ARL5C: variants seen among roughly 807,000 people sequenced by gnomAD.
ARL5C encodes putative ADP-ribosylation factor-like protein 5C.
A neutral mutation model predicts 20.8 loss-of-function variants in ARL5C; 21 were observed. The ratio of observed to expected loss-of-function variants is 1.01; its 90% CI spans 0.72 to 1.46. The LOEUF (loss-of-function observed/expected upper bound fraction) is 1.46. ARL5C is among the 40% of genes most tolerant of loss of function. The probability of loss-of-function intolerance (pLI) is 0.00; values close to 1 mark genes in which losing one functional copy is unlikely to be tolerated. For synonymous variants in ARL5C, 71 were observed against 81.6 expected (o/e 0.87, Z 0.70); for missense variants, 199 against 225.1 (o/e 0.88, Z 0.74).
chr17:39,163,846 C>G (rs2045449838), intron 2 of ARL5C, among the ~76,000 whole-genome samples: 1 of 151,836 alleles, frequency 6.6e-6, no homozygotes, highest in Non-Finnish European at 1.5e-5. Context: ...CTCACTGCAA[C>G]CTCTGCCTCC....
chr17:39,164,750 C>T (rs566456185), intron 2 of ARL5C, among the ~76,000 whole-genome samples: 63 of 152,050 alleles, frequency 4.1e-4, no homozygotes, highest in Non-Finnish European at 7.1e-4. Flanking sequence ...GCAGAGGGGA[C>T]AGGGGTGAGA....
rs908067055 is a variant in ARL5C, at chr17:39,166,054, C to A, written c.-294G>T. ...CTCGCCCTGCGAAAACTCCTGAGTT[C>A]TCCGGGTGGACTGCTCCACTACCGC... is the stretch of plus-strand genomic sequence containing the variant. On this transcript the variant is annotated 5_prime_UTR_variant, in exon 1 of 6. Coordinates refer to ENST00000269586, the MANE Select transcript of ARL5C (RefSeq NM_001143968.1). The A allele has an allele frequency of 8.9e-6, 4 of 448,448 alleles. No individual in the cohort carries two copies. Among genetic ancestry groups the A allele is most frequent in the Non-Finnish European group, 1.6e-5 (4 of 244,530 alleles). The allele number at this position is 448,448 out of a possible 1,614,324, so 27.8% of individuals were successfully genotyped here.
chr17:39,158,593 G>A (rs934433817), intron 5 of ARL5C, among the ~76,000 whole-genome samples: 6 of 150,006 alleles, frequency 4.0e-5, no homozygotes, highest in Admixed American at 4.0e-4. Context: ...AGCCTGGGGG[G>A]TGACAGAGGG....
At chr17:39,161,808 A>AGT (rs2045436851) in intron 3 of ARL5C, among the ~76,000 whole-genome samples, 1 of 150,990 alleles carries the variant, frequency 6.6e-6, no homozygotes, top group Non-Finnish European at 1.5e-5. Flanking sequence ...GTGCTGCCAC[A>AGT]CCTGGCCTGT....
In ARL5C at chr17:39,161,317, T is replaced by C. The variant is rs2045433629; in HGVS notation, c.290A>G (p.Asp97Gly). ...IILVIDSTDR[D>G]RLLTTREELY... is the part of the protein sequence containing the mutation. ...CTCCTCCCGAGTGGTCAGCAGCCGA[T>C]CCCGGTCCGTGCTGTCAATCACAAG... Residue 97 changes from aspartate to glycine, a missense_variant, in exon 4 of 6, where the codon GAT becomes GGT. Asp to Gly is a moderately conservative substitution (Grantham distance 94, BLOSUM62 -1). Coordinates refer to ENST00000269586, the MANE Select transcript of ARL5C (RefSeq NM_001143968.1). 2.6e-6 allele frequency: 4 copies of C among 1,551,868 alleles called. No individual in the cohort carries two copies. The highest frequency in any genetic ancestry group is 3.5e-6 in the Non-Finnish European group (4 of 1,147,012).
intron 2 of ARL5C, among the ~76,000 whole-genome samples, chr17:39,163,346 C>CTTTCTTTCTTTCTTTCTTTCTT (rs2045444587): frequency 5.4e-5 from 1 of 18,612 alleles, no homozygotes; most frequent in Non-Finnish European, 9.4e-5. Context: ...AGGCTTTTGC[C>CTTTCTTTCTTTCTTTCTTTCTT]TTTCTTTCTT....
chr17:39,162,696 T>C lies in ARL5C; in HGVS notation c.255+15A>G, dbSNP rs773173691. On this transcript the variant is annotated intron_variant, in intron 3 of 5. Transcript: ENST00000269586. ...GCCTGCCTTGGAGACCCTTCAGCCC[T>C]GGTGCCCTCCTCACCTCAGTGTTGG... 6.4e-7 allele frequency: 1 copy of C among 1,550,732 alleles called. No individual in the cohort carries two copies. Among genetic ancestry groups the C allele is most frequent in the African/African-American group, 1.4e-5 (1 of 73,164 alleles).
Position 39,160,486 on chromosome 17 carries a change from C to T in ARL5C, c.491+105G>A, listed in dbSNP as rs1281993732. ...CAAATTGGCTTGGCCCAGGAGCCAA[C>T]TGTGAACCAGATTCTCACAGGAGAG... On this transcript the variant is annotated intron_variant, in intron 5 of 5. Transcript: ENST00000269586. 11 of 1,434,364 alleles carry T rather than the reference C, an allele frequency of 7.7e-6. No individual in the cohort carries two copies. The Admixed American group carries it at 2.0e-4, about 26-fold the overall frequency. 88.9% of individuals were successfully genotyped at this position (1,434,364 alleles called of 1,614,324 possible).
At position 39,165,884 on chromosome 17, in the gene ARL5C, G is replaced by T; in HGVS notation, c.-124C>A. 2.6e-6 allele frequency: 3 copies of T among 1,164,220 alleles called. No individual in the cohort carries two copies. Among genetic ancestry groups the T allele is most frequent in the Non-Finnish European group, 3.7e-6 (3 of 812,610 alleles). The allele number at this position is 1,164,220 out of a possible 1,614,324, so 72.1% of individuals were successfully genotyped here. A position where few individuals can be genotyped will look rare whatever the true frequency, so the allele number is the denominator to read the frequency against. On this transcript the variant is annotated 5_prime_UTR_variant, in exon 1 of 6. Coordinates refer to ENST00000269586, the MANE Select transcript of ARL5C (RefSeq NM_001143968.1). ...AGATTTTGCCTACGAAGTTAGGGAA[G>T]CCCCACACGTCACCAACCTGACCTG...
intron 5 of ARL5C, among the ~76,000 whole-genome samples, chr17:39,159,124 T>G (rs978681825): frequency 1.5e-5 from 2 of 132,216 alleles, no homozygotes; most frequent in East Asian, 5.0e-4. Context: ...CTGGAACTCC[T>G]GGGCTCAAGT....
At chr17:39,164,900 A>G in intron 2 of ARL5C, 179 bp downstream of exon 2, 1 of 622,198 alleles carries the variant, frequency 1.6e-6, no homozygotes, top group Non-Finnish European at 2.8e-6. Context: ...ACGGTGCAGG[A>G]TTTGAATGCC....
Position 39,165,795 on chromosome 17 carries a change from C to G in ARL5C, c.-35G>C. The G allele has an allele frequency of 6.4e-7, 1 of 1,551,432 alleles. No homozygotes were observed. The highest frequency in any genetic ancestry group is 8.7e-7 in the Non-Finnish European group (1 of 1,146,864). ...CGGGCCGGACAGGTGCAGGAGGGCT[C>G]AGCGGCCTCAGGAGCGGAGTCGGCC... is the stretch of plus-strand genomic sequence containing the variant. On this transcript the variant is annotated 5_prime_UTR_variant, in exon 1 of 6. Transcript: ENST00000269586.
At chr17:39,164,854 A>C in intron 2 of ARL5C, 1 of 462,930 alleles carries the variant, frequency 2.2e-6, no homozygotes, top group Non-Finnish European at 3.9e-6. Flanking sequence ...GCCCCCGGGA[A>C]GATGGAGGAA....
chr17:39,160,749 A>T lies in ARL5C; in HGVS notation c.340-7T>A, dbSNP rs1469812460. 6.4e-7 allele frequency: 1 copy of T among 1,550,814 alleles called. No homozygotes were observed. The highest frequency in any genetic ancestry group is 8.7e-7 in the Non-Finnish European group (1 of 1,146,930). On this transcript the variant is annotated splice_polypyrimidine_tract_variant and splice_region_variant and intron_variant, in intron 4 of 5. Coordinates refer to ENST00000269586, the MANE Select transcript of ARL5C (RefSeq NM_001143968.1). ...CTGAAGCATCCTGTAGAGCCTGTGG[A>T]CAGAGGAGCCCAGCCCCAGTCAGCC...
At position 39,166,040 on chromosome 17, in the gene ARL5C, A is replaced by G. The variant is rs1020094298; in HGVS notation, c.-280T>C. 2.1e-6 allele frequency: 1 copy of G among 478,948 alleles called. No homozygotes were observed. Among genetic ancestry groups the G allele is most frequent in the African/African-American group, 2.0e-5 (1 of 51,102 alleles). The allele number at this position is 478,948 out of a possible 1,614,324, so 29.7% of individuals were successfully genotyped here. ...CTCCAGCCCTCCCCCTCGCCCTGCG[A>G]AAACTCCTGAGTTCTCCGGGTGGAC... is the stretch of plus-strand genomic sequence containing the variant. On this transcript the variant is annotated 5_prime_UTR_variant, in exon 1 of 6. Transcript: ENST00000269586.
rs2045441572 is a variant in ARL5C, at chr17:39,162,840, G to A, written c.126C>T (p.Val42=). ...TGCTGCCAATGGTGGGACACATATG[G>A]ACCACCTCATTGGTCAAGCTGGGGA... is the stretch of plus-strand genomic sequence containing the variant. The part of the protein sequence containing the change: ...ILYRFLTNEV[V]HMCPTIGSNV... The change falls in exon 3 of 6, where the codon GTC becomes GTT. Residue 42 remains valine, a synonymous_variant. Coordinates refer to ENST00000269586, the MANE Select transcript of ARL5C (RefSeq NM_001143968.1). 2 of 1,550,710 alleles carry A rather than the reference G, an allele frequency of 1.3e-6. No individual in the cohort carries two copies. The highest frequency in any genetic ancestry group is 2.0e-5 in the Admixed American group (1 of 50,974).
At chr17:39,163,380 T>TTCTTTCTTTCTTTCTC (rs2045446241) in intron 2 of ARL5C, among the ~76,000 whole-genome samples, 1 of 133,368 alleles carries the variant, frequency 7.5e-6, no homozygotes, top group Non-Finnish European at 1.5e-5. Flanking sequence ...CTTTCTTTCT[T>TTCTTTCTTTCTTTCTC]TCTTTCTTTC....
chr17:39,156,818 T>A, downstream of ARL5C: 1 of 1,511,700 alleles, frequency 6.6e-7, no homozygotes, highest in Non-Finnish European at 9.0e-7. Context: ...AGAAAAGTAA[T>A]AAATAGCCAC....
intron 5 of ARL5C, among the ~76,000 whole-genome samples, chr17:39,158,369 T>C (rs1182743472): frequency 6.6e-6 from 1 of 151,982 alleles, no homozygotes; most frequent in Non-Finnish European, 1.5e-5. Flanking sequence ...TCCCAACACT[T>C]GGGGAGGCCA....
Sources: allele counts gnomAD v4.1 joint callset (sites outside exome capture counted in the v4.1 genomes callset), GRCh38; gene constraint gnomAD v4.1.1; transcripts MANE v1.5; gene names NCBI Gene and HGNC (gene_info 2026-07-23, HGNC 2026-07-21).